EP400: variants seen among roughly 807,000 people sequenced by gnomAD.
EP400 encodes the protein E1A-binding protein p400.
Under a neutral mutation model 354.1 loss-of-function variants are expected in EP400, and 105 were observed. That is an observed-to-expected ratio of 0.30 (90% CI 0.25 to 0.35). The LOEUF (loss-of-function observed/expected upper bound fraction) is 0.35, where lower values mean the gene tolerates loss of function less well. EP400 is among the 10% of genes least tolerant of loss of function. The pLI is 1.00. For missense variants in EP400, 3,280 were observed against 4,121.0 expected (o/e 0.80, Z 5.59); for synonymous variants, 1,646 against 1,716.9 (o/e 0.96, Z 1.02).
At chr12:132,053,060 T>C in intron 41 of EP400, 86 bp from the exon 42 acceptor site, 1 of 1,425,894 alleles carries the variant, frequency 7.0e-7, no homozygotes, top group Middle Eastern at 1.8e-4. Context: ...CCCCAGCACC[T>C]GGCAGCATGG....
In EP400 at chr12:132,053,196, G is replaced by A. The variant is rs1240933367; in HGVS notation, c.7445G>A (p.Arg2482His). Residue 2482 changes from arginine (R) to histidine (H), a missense_variant, in exon 42 of 53, where the codon CGT (arginine) becomes CAT (histidine). Around this residue, in one of 20 missense-constraint regions of EP400, gnomAD observed 29 missense variants for 86.0 expected, o/e 0.34. Transcript: ENST00000389561. ...CCTCCCATCCAGGTGGCATCTCTCC[G>A]TGCAGAGCGAATCGCAAAAGAGAAA... ...PLPPIQVASL[R>H]AERIAKEKKA... 1.2e-6 allele frequency: 2 copies of A among 1,613,806 alleles called. No homozygotes were observed. The highest frequency in any genetic ancestry group is 1.3e-5 in the African/African-American group (1 of 74,810).
At position 132,080,321 on chromosome 12, in the gene EP400, T is replaced by A. The variant is rs1223151201; in HGVS notation, c.*2648T>A. Reference sequence around the variant, plus strand: ...GTTAACTGTTGTAACCAGTTAGCTGTTGTGTTTTAAGATAGAAAGGAACAA... The same window carrying A: ...GTTAACTGTTGTAACCAGTTAGCTGATGTGTTTTAAGATAGAAAGGAACAA... On this transcript the variant is annotated 3_prime_UTR_variant, in exon 53 of 53. Coordinates refer to ENST00000389561, the MANE Select transcript of EP400 (RefSeq NM_015409.5). The A allele has an allele frequency of 6.6e-6, 1 of 152,638 alleles. No homozygotes were observed. The highest frequency in any genetic ancestry group is 6.5e-5 in the Admixed American group (1 of 15,274). 9.5% of individuals were successfully genotyped at this position (152,638 alleles called of 1,614,324 possible). A position where few individuals can be genotyped will look rare whatever the true frequency, so the allele number is the denominator to read the frequency against.
chr12:132,010,134 A>T (rs1338619716), intron 15 of EP400, among the ~76,000 whole-genome samples: 1 of 136,636 alleles, frequency 7.3e-6, no homozygotes, highest in Non-Finnish European at 1.5e-5. Flanking sequence ...CCCAGGCTGG[A>T]TGGATTGCAG....
rs1894786061 is a variant in EP400, at chr12:132,038,405, GCC to G, written c.6207+310_6207+311del. Among the ~76,000 whole-genome samples the G allele has an allele frequency of 6.6e-6, 1 of 152,190 alleles. No individual in the cohort carries two copies. Among genetic ancestry groups the G allele is most frequent in the Admixed American group, 6.5e-5 (1 of 15,286 alleles). ...CCCCTCCCCATGGAAATCTATCCCTGCCTCCTCTGGAGGCTCTGCGGGCACTA... is the reference window on the plus strand; with the variant it reads ...CCCCTCCCCATGGAAATCTATCCCTGTCCTCTGGAGGCTCTGCGGGCACTA... On this transcript the variant is annotated intron_variant, in intron 32 of 52. Coordinates refer to ENST00000389561, the MANE Select transcript of EP400 (RefSeq NM_015409.5). This position sits in a 1 kb window ranked among gnomAD's most constrained non-coding sequence, Gnocchi z 4.2.
At chr12:132,045,203 T>G in intron 37 of EP400, 116 bp from the exon 38 acceptor site, 1 of 1,494,180 alleles carries the variant, frequency 6.7e-7, no homozygotes, top group Non-Finnish European at 8.9e-7. Context: ...AGGTGCTTTC[T>G]GTGGCCTCTT....
At chr12:132,065,003 T>G in intron 48 of EP400, 117 bp downstream of exon 48, 1 of 1,459,542 alleles carries the variant, frequency 6.9e-7, no homozygotes, top group Non-Finnish European at 9.0e-7. Flanking sequence ...AGACGGGTTC[T>G]TTTCCCCGAG....
chr12:132,033,468 C>T (rs575570796), intron 30 of EP400, among the ~76,000 whole-genome samples: 1 of 152,190 alleles, frequency 6.6e-6, no homozygotes, highest in South Asian at 2.1e-4. Context: ...TGAGACTAGA[C>T]AAATATGGTC....
At chr12:131,987,955 G>GT (rs1892907721) in intron 7 of EP400, 65 bp downstream of exon 7, 2 of 1,156,640 alleles carry the variant, frequency 1.7e-6, no homozygotes, top group Non-Finnish European at 2.3e-6. Context: ...TTGCAGTGGT[G>GT]TAAGTGGTGG....
rs1286962808 is a variant in EP400 at position 131,994,917 on chromosome 12, G to A, written c.2788G>A (p.Val930Met). 6.2e-7 allele frequency: 1 copy of A among 1,614,144 alleles called. No individual in the cohort carries two copies. Among genetic ancestry groups the A allele is most frequent in the Non-Finnish European group, 8.5e-7 (1 of 1,179,990 alleles). ...AGAGGAGGAAGCAAATGAAGGCGTT[G>A]TGGACCACCAAACAGAACTTTCTAA... ...IEEEEANEGV[V>M]DHQTELSNLA... is the part of the protein sequence containing the mutation. Residue 930 changes from valine (V) to methionine (M), a missense_variant, in exon 12 of 53, where the codon GTG becomes ATG. By Grantham distance (21) the Val-to-Met change is conservative (BLOSUM62 1). Transcript: ENST00000389561. The surrounding 1 kb of genome is among the most constrained non-coding windows in gnomAD (Gnocchi z 4.6).
At chr12:132,061,976 A>G in intron 45 of EP400, 134 bp from the exon 46 acceptor site, 1 of 709,490 alleles carries the variant, frequency 1.4e-6, no homozygotes, top group Non-Finnish European at 2.3e-6. Flanking sequence ...CAGTTTTCAA[A>G]AGACTGAACT....
Position 132,052,775 on chromosome 12 carries a change from A to G in EP400, c.7395-371A>G, listed in dbSNP as rs947597240. Among the ~76,000 whole-genome samples the G allele has an allele frequency of 7.3e-5, 11 of 151,486 alleles. No individual in the cohort carries two copies. Among genetic ancestry groups the G allele is most frequent in the Non-Finnish European group, 1.6e-4 (11 of 67,900 alleles). On this transcript the variant is annotated intron_variant, in intron 41 of 52. Coordinates refer to ENST00000389561, the MANE Select transcript of EP400 (RefSeq NM_015409.5). This position sits in a 1 kb window ranked among gnomAD's most constrained non-coding sequence, Gnocchi z 4.4. ...AGAGGCACAGTCCCGCCCTCCCTTT[A>G]CCTCCCTGGAGAGGAACTCGAGGGC...
At position 131,982,595 on chromosome 12, in the gene EP400, C is replaced by T. The variant is rs117371485; in HGVS notation, c.1929+117C>T. The T allele has an allele frequency of 4.5e-3, 5,940 of 1,324,982 alleles. 21 individuals are homozygous for T. Among genetic ancestry groups the T allele is most frequent in the Non-Finnish European group, 5.5e-3 (5,438 of 981,240 alleles). 82.1% of individuals were successfully genotyped at this position (1,324,982 alleles called of 1,614,324 possible). Reference sequence around the variant, plus strand: ...TTGTGTATTTTCTCTTAGCAGCTTGCTCCCCCAATTTAGAACAATTACTCA... The same window carrying T: ...TTGTGTATTTTCTCTTAGCAGCTTGTTCCCCCAATTTAGAACAATTACTCA... On this transcript the variant is annotated intron_variant, in intron 5 of 52. Coordinates refer to ENST00000389561, the MANE Select transcript of EP400 (RefSeq NM_015409.5).
At chr12:132,037,603 A>G in intron 30 of EP400, 79 bp from the exon 31 acceptor site, 1 of 1,130,178 alleles carries the variant, frequency 8.8e-7, no homozygotes. Flanking sequence ...TTCGTTGATC[A>G]CCATCTGCAT....
intron 15 of EP400, among the ~76,000 whole-genome samples, chr12:132,010,811 G>T (rs941913446): frequency 6.6e-6 from 1 of 152,110 alleles, no homozygotes; most frequent in South Asian, 2.1e-4. Context: ...GCATGATGGC[G>T]TGTGCCTGTA....
In EP400 at chr12:132,067,573, C is replaced by T; in HGVS notation, c.8874+87C>T. On this transcript the variant is annotated intron_variant, in intron 50 of 52. Transcript: ENST00000389561. This position sits in a 1 kb window ranked among gnomAD's most constrained non-coding sequence, Gnocchi z 5.3. The stretch of plus-strand genomic sequence containing the variant: ...GAGAGGGTCCTAAGCAGACAAATCC[C>T]CATGTGGCGGCTCACGCTTTTCAGA... 2 of 1,523,112 alleles carry T rather than the reference C, an allele frequency of 1.3e-6. No individual in the cohort carries two copies. The highest frequency in any genetic ancestry group is 1.8e-6 in the Non-Finnish European group (2 of 1,137,184). 94.3% of individuals were successfully genotyped at this position (1,523,112 alleles called of 1,614,324 possible). A position where few individuals can be genotyped will look rare whatever the true frequency, so the allele number is the denominator to read the frequency against.
At chr12:132,000,888 ATC>A (rs2136516778) in intron 12 of EP400, among the ~76,000 whole-genome samples, 1 of 152,368 alleles carries the variant, frequency 6.6e-6, no homozygotes, top group South Asian at 2.1e-4. Flanking sequence ...ACTTTCAGTC[ATC>A]TCTTTTATTT....
At chr12:132,032,743 G>A (rs538261159) in intron 30 of EP400, among the ~76,000 whole-genome samples, 4 of 150,594 alleles carry the variant, frequency 2.7e-5, no homozygotes, top group African/African-American at 9.8e-5. Context: ...CAATTCTTCT[G>A]CCTCAGCCTC....
At position 132,016,825 on chromosome 12, in the gene EP400, C is replaced by T. The variant is rs117746527; in HGVS notation, c.3924-710C>T. 7.1e-3 allele frequency among the ~76,000 whole-genome samples: 1,088 copies of T among 152,304 alleles called. 35 individuals carry two copies. In the South Asian group the frequency reaches 0.094, roughly 13 times the overall value. On this transcript the variant is annotated intron_variant, in intron 19 of 52. Coordinates refer to ENST00000389561, the MANE Select transcript of EP400 (RefSeq NM_015409.5). ...CCTGGTGTTCCTGTTTTAGGGTGTG[C>T]GCCACCATCGACCAAGTTGTTTGAG...
rs1038338913 is a variant in EP400, at chr12:132,078,008, T to C, written c.*335T>C. ...GCCATTTAGAATTTCTTTGTGAGCA[T>C]GTAGTGCTTTGCACGCCACAGAAGC... On this transcript the variant is annotated 3_prime_UTR_variant, in exon 53 of 53. Coordinates refer to ENST00000389561, the MANE Select transcript of EP400 (RefSeq NM_015409.5). 1.8e-5 allele frequency: 5 copies of C among 284,232 alleles called. No individual in the cohort carries two copies. The highest frequency in any genetic ancestry group is 4.8e-5 in the Admixed American group (1 of 20,672). 17.6% of individuals were successfully genotyped at this position (284,232 alleles called of 1,614,324 possible).
Sources: allele counts gnomAD v4.1 joint callset (sites outside exome capture counted in the v4.1 genomes callset), GRCh38; gene constraint gnomAD v4.1.1; regional missense constraint gnomAD v4.1.1; non-coding constraint Gnocchi (gnomAD v3.1); transcripts MANE v1.5; gene names NCBI Gene and HGNC (gene_info 2026-07-23, HGNC 2026-07-21).